VPS13B: variants seen among roughly 807,000 people sequenced by gnomAD.
VPS13B encodes intermembrane lipid transfer protein VPS13B.
In VPS13B, 285 loss-of-function variants were observed where a neutral mutation model predicts 426.4. The ratio of observed to expected loss-of-function variants is 0.67; its 90% CI spans 0.61 to 0.74. VPS13B has a LOEUF of 0.74. Ranked by LOEUF, VPS13B falls within the 30% of genes least tolerant of loss-of-function variation. The pLI is 0.00. For missense variants in VPS13B, 4,537 were observed against 4,782.6 expected, an observed-to-expected ratio of 0.95 and a Z score of 1.51; for synonymous variants, 1,676 against 1,676.4, an observed-to-expected ratio of 1.00 and a Z score of 0.01.
At chr8:99,759,406 C>T (rs1034012395) in intron 39 of VPS13B, among the ~76,000 whole-genome samples, 11 of 152,184 alleles carry the variant, frequency 7.2e-5, no homozygotes, top group Non-Finnish European at 1.5e-5. Flanking sequence ...CATCAGCTCA[C>T]CATTTTCATA....
intron 24 of VPS13B, among the ~76,000 whole-genome samples, chr8:99,468,902 T>C (rs1396012588): frequency 6.6e-6 from 1 of 152,152 alleles, no homozygotes; most frequent in East Asian, 1.9e-4. Flanking sequence ...CAGCTTGCAT[T>C]CCATATTTTA....
chr8:99,370,171 T>C (rs1813100318), intron 19 of VPS13B, among the ~76,000 whole-genome samples: 1 of 152,224 alleles, frequency 6.6e-6, no homozygotes, highest in African/African-American at 2.4e-5. Flanking sequence ...TTGGATGTAA[T>C]TTGAACAATA....
rs71273164 is a variant in VPS13B, at chr8:99,123,122, CAAAAAAAAAAA to C, written c.1206+1690_1206+1700del. On this transcript the variant is annotated intron_variant, in intron 8 of 61. Coordinates refer to ENST00000357162, the MANE Select transcript of VPS13B (RefSeq NM_152564.5). ...GGCAACAAGAGCGAAACTCTGTCTC[CAAAAAAAAAAA>C]AAAAAAAAAAAAGAAAGAAAGAAAA... 4.9e-5 allele frequency among the ~76,000 whole-genome samples: 3 copies of C among 61,434 alleles called. No homozygotes were observed. The East Asian group carries it at 1.4e-3, about 29-fold the overall frequency. The allele number at this position is 61,434 out of a possible 152,430, so 40.3% of individuals were successfully genotyped here.
At chr8:99,255,051 C>T (rs1453546555) in intron 17 of VPS13B, among the ~76,000 whole-genome samples, 2 of 151,642 alleles carry the variant, frequency 1.3e-5, no homozygotes, top group East Asian at 3.9e-4. Flanking sequence ...CTCTTTTTTT[C>T]CCTGTTTTTT....
chr8:99,170,153 C>T lies in VPS13B; in HGVS notation c.2323C>T (p.Pro775Ser), dbSNP rs779218452. 3 of 1,612,468 alleles carry T rather than the reference C, an allele frequency of 1.9e-6. No individual in the cohort carries two copies. The highest frequency in any genetic ancestry group is 2.5e-6 in the Non-Finnish European group (3 of 1,178,880). The change falls in exon 16 of 62, where the codon CCC (proline) becomes TCC (serine). Residue 775 changes from proline (P) to serine (S), a missense_variant. Coordinates refer to ENST00000357162, the MANE Select transcript of VPS13B (RefSeq NM_152564.5). ...TCTTTATGGGAAACTTCTGAAACTC[C>T]CCACATGCTGGTAAGTCTTACATGT... is the stretch of plus-strand genomic sequence containing the variant. ...TALYGKLLKL[P>S]TCWTKRSQIA...
chr8:99,048,212 G>A (rs1460891204), intron 3 of VPS13B, among the ~76,000 whole-genome samples: 1 of 152,144 alleles, frequency 6.6e-6, no homozygotes, highest in Admixed American at 6.5e-5. Context: ...GTCTGAGAGA[G>A]TGCTTGATAT....
intron 33 of VPS13B, among the ~76,000 whole-genome samples, chr8:99,590,165 T>C (rs1214209502): frequency 1.3e-5 from 2 of 152,234 alleles, no homozygotes; most frequent in East Asian, 3.8e-4. Flanking sequence ...TTTCTATTTC[T>C]GTGGGATCAG....
At chr8:99,190,771 A>G (rs139082754) in intron 16 of VPS13B, among the ~76,000 whole-genome samples, 2,325 of 152,216 alleles carry the variant, frequency 0.015, 32 homozygotes, top group Middle Eastern at 0.041. Context: ...CTATGTTGTT[A>G]TGATTTTTGC....
At chr8:99,394,719 C>T (rs1814635412) in intron 21 of VPS13B, among the ~76,000 whole-genome samples, 1 of 152,066 alleles carries the variant, frequency 6.6e-6, no homozygotes, top group South Asian at 2.1e-4. Flanking sequence ...AAGCAGAATA[C>T]TCCATAAATG....
intron 51 of VPS13B, among the ~76,000 whole-genome samples, chr8:99,830,494 G>T (rs566281161): frequency 6.6e-6 from 1 of 152,310 alleles, no homozygotes; most frequent in South Asian, 2.1e-4. Context: ...CTGCTGTGCT[G>T]GCAGTGAGAA....
chr8:99,062,705 T>C (rs1844256327), intron 3 of VPS13B, among the ~76,000 whole-genome samples: 1 of 152,088 alleles, frequency 6.6e-6, no homozygotes, highest in Non-Finnish European at 1.5e-5. Context: ...CGACCTCAGA[T>C]GATCCACCCG....
chr8:99,773,181 A>G (rs1347557153), intron 40 of VPS13B, among the ~76,000 whole-genome samples: 3 of 152,158 alleles, frequency 2.0e-5, no homozygotes, highest in African/African-American at 7.2e-5. Flanking sequence ...TCATTTTATA[A>G]ATGAAAAATA....
intron 60 of VPS13B, 128 bp from the exon 61 acceptor site, chr8:99,871,320 A>G: frequency 7.2e-7 from 1 of 1,392,894 alleles, no homozygotes; most frequent in African/African-American, 1.4e-5. Context: ...TTCAAGCTAA[A>G]ATGGGTAACT....
chr8:99,821,340 A>G lies in VPS13B; in HGVS notation c.9041A>G (p.His3014Arg). Reference sequence around the variant, plus strand: ...TACTGGGCAAATACAAACACTGTGCACAAGTCAGTAGCAATTAAACTGGTC... The same window carrying G: ...TACTGGGCAAATACAAACACTGTGCGCAAGTCAGTAGCAATTAAACTGGTC... ...GIYWANTNTV[H>R]KSVAIKLVHN... Residue 3014 changes from histidine to arginine, a missense_variant, in exon 50 of 62, where the codon CAC becomes CGC. Around this residue, in one of 2 missense-constraint regions of VPS13B, gnomAD observed 4,311 missense variants for 4,474.3 expected, o/e 0.96. Transcript: ENST00000357162. 6.2e-7 allele frequency: 1 copy of G among 1,613,860 alleles called. No individual in the cohort carries two copies. The highest frequency in any genetic ancestry group is 8.5e-7 in the Non-Finnish European group (1 of 1,179,822).
intron 2 of VPS13B, among the ~76,000 whole-genome samples, chr8:99,015,017 G>A (rs1841538518): frequency 1.3e-5 from 2 of 151,818 alleles, no homozygotes; most frequent in Admixed American, 1.3e-4. Flanking sequence ...TGACAGTGAT[G>A]GTTATTTATA....
At chr8:99,234,109 G>T in intron 17 of VPS13B, 5 of 784,540 alleles carry the variant, frequency 6.4e-6, no homozygotes, top group Non-Finnish European at 1.2e-5. Flanking sequence ...CCTTGCTCCC[G>T]GAAGAGTGGT....
intron 30 of VPS13B, among the ~76,000 whole-genome samples, chr8:99,552,645 A>T (rs917216338): frequency 4.1e-4 from 62 of 151,268 alleles, no homozygotes; most frequent in African/African-American, 1.5e-3. Context: ...TACCTTGTCC[A>T]TTTCTACATG....
intron 35 of VPS13B, among the ~76,000 whole-genome samples, chr8:99,681,981 C>T (rs1831171821): frequency 6.6e-6 from 1 of 152,152 alleles, no homozygotes; most frequent in African/African-American, 2.4e-5. Context: ...ATTAAAAATT[C>T]ACTGTTCAAA....
chr8:99,172,129 A>G (rs11990374), intron 16 of VPS13B, among the ~76,000 whole-genome samples: 1 of 152,166 alleles, frequency 6.6e-6, no homozygotes, highest in African/African-American at 2.4e-5. Context: ...AAACCAGTTA[A>G]TCAAATATTC....
Sources: allele counts gnomAD v4.1 joint callset (sites outside exome capture counted in the v4.1 genomes callset), GRCh38; gene constraint gnomAD v4.1.1; regional missense constraint gnomAD v4.1.1; transcripts MANE v1.5; gene names NCBI Gene and HGNC (gene_info 2026-07-23, HGNC 2026-07-21).